The following NBEA variants were observed in gnomAD, a reference collection of about 807,000 sequenced individuals.
The protein encoded by NBEA is lysosomal-trafficking regulator 2.
NBEA carries 44 observed loss-of-function variants against 343.4 expected under a neutral mutation model. The ratio of observed to expected loss-of-function variants is 0.13; its 90% CI spans 0.10 to 0.16. NBEA has a LOEUF of 0.16. NBEA is among the 10% of genes least tolerant of loss of function. The pLI, the probability that NBEA is intolerant of heterozygous loss-of-function variation, is 1.00. For missense variants in NBEA, 2,555 were observed against 3,631.3 expected (o/e 0.70, Z 7.62); for synonymous variants, 1,175 against 1,238.7 (o/e 0.95, Z 1.08).
intron 46 of NBEA, among the ~76,000 whole-genome samples, chr13:35,589,858 G>T (rs745502292): frequency 3.9e-5 from 6 of 152,096 alleles, no homozygotes; most frequent in Non-Finnish European, 8.8e-5. Flanking sequence ...GATATGAAAT[G>T]ATGTTGGAGT....
intron 51 of NBEA, 127 bp from the exon 52 acceptor site, chr13:35,649,528 A>G: frequency 2.7e-6 from 2 of 738,744 alleles, no homozygotes; most frequent in Non-Finnish European, 4.5e-6. Flanking sequence ...ATGAAAGTTT[A>G]GGTGGCTTTT....
intron 1 of NBEA, among the ~76,000 whole-genome samples, chr13:34,992,178 G>A (rs1316468411): frequency 6.8e-6 from 1 of 146,972 alleles, no homozygotes; most frequent in East Asian, 2.0e-4. Context: ...AAATGTGTGT[G>A]TATATGTGTG....
intron 41 of NBEA, among the ~76,000 whole-genome samples, chr13:35,488,959 T>A (rs1357264224): frequency 6.6e-6 from 1 of 151,934 alleles, no homozygotes; most frequent in Non-Finnish European, 1.5e-5. Flanking sequence ...ATATATTAAT[T>A]AAGTAATTTG....
At chr13:35,280,978 C>T (rs1415789630) in intron 34 of NBEA, among the ~76,000 whole-genome samples, 5 of 152,112 alleles carry the variant, frequency 3.3e-5, no homozygotes, top group African/African-American at 9.6e-5. Flanking sequence ...GACTCACATA[C>T]TGACTTCTTT....
At chr13:35,423,749 C>T (rs1443822717) in intron 38 of NBEA, among the ~76,000 whole-genome samples, 2 of 152,094 alleles carry the variant, frequency 1.3e-5, no homozygotes, top group African/African-American at 4.8e-5. Context: ...GCAGTATGGC[C>T]ATTTTCACGA....
chr13:35,132,942 A>G (rs1593454468), intron 17 of NBEA, among the ~76,000 whole-genome samples: 1 of 152,338 alleles, frequency 6.6e-6, no homozygotes, highest in East Asian at 1.9e-4. Context: ...GAAGTGCAGG[A>G]TAATAGTATT....
chr13:35,439,593 A>C (rs548699459), intron 39 of NBEA, among the ~76,000 whole-genome samples: 2 of 152,338 alleles, frequency 1.3e-5, no homozygotes, highest in African/African-American at 4.8e-5. Context: ...TTCCTAGATA[A>C]AACAAAAACC....
chr13:35,455,067 A>G (rs540215374), intron 40 of NBEA, among the ~76,000 whole-genome samples: 14 of 152,112 alleles, frequency 9.2e-5, no homozygotes, highest in Admixed American at 5.2e-4. Flanking sequence ...TATTATTAGT[A>G]TGAGAAATGT....
chr13:35,479,347 C>G (rs906775216), intron 41 of NBEA, among the ~76,000 whole-genome samples: 11 of 152,172 alleles, frequency 7.2e-5, no homozygotes, highest in Admixed American at 6.5e-5. Context: ...TGCTGCAACA[C>G]AGTGATTTTC....
At chr13:35,469,020 G>GC (rs2075523215) in intron 40 of NBEA, among the ~76,000 whole-genome samples, 1 of 147,118 alleles carries the variant, frequency 6.8e-6, no homozygotes, top group South Asian at 2.2e-4. Flanking sequence ...AATCGCTTGA[G>GC]CTCGGGGGGC....
chr13:35,223,601 A>T (rs1353875929), intron 33 of NBEA, among the ~76,000 whole-genome samples: 1 of 152,000 alleles, frequency 6.6e-6, no homozygotes, highest in East Asian at 1.9e-4. Flanking sequence ...TATGTTACAT[A>T]TTTTTTTACT....
intron 2 of NBEA, among the ~76,000 whole-genome samples, chr13:35,042,073 A>G (rs1286417960): frequency 6.6e-6 from 1 of 151,940 alleles, no homozygotes; most frequent in Non-Finnish European, 1.5e-5. Context: ...GCATTTCATT[A>G]TTTTTAAAAT....
At chr13:35,179,611 A>G (rs2071168057) in intron 28 of NBEA, 1 of 175,958 alleles carries the variant, frequency 5.7e-6, no homozygotes, top group Non-Finnish European at 1.1e-5. Flanking sequence ...TCGTGTAGCT[A>G]TGACAGCAGT....
At chr13:35,069,879 G>C (rs754325731) in intron 8 of NBEA, 29 bp from the exon 9 acceptor site, 19 of 1,463,808 alleles carry the variant, frequency 1.3e-5, no homozygotes, top group Non-Finnish European at 1.3e-5. Context: ...CTTTTAAAAA[G>C]AGTGTTTACC....
At chr13:35,084,013 C>G (rs2064581595) in intron 10 of NBEA, among the ~76,000 whole-genome samples, 1 of 152,098 alleles carries the variant, frequency 6.6e-6, no homozygotes, top group African/African-American at 2.4e-5. Flanking sequence ...ATCAATTCAA[C>G]AAGAAGAGCT....
At chr13:35,081,920 CT>C (rs764768103) in intron 10 of NBEA, among the ~76,000 whole-genome samples, 3 of 151,018 alleles carry the variant, frequency 2.0e-5, no homozygotes, top group South Asian at 2.1e-4. Context: ...ATTTTGGTAA[CT>C]TTTTTTTTAT....
intron 38 of NBEA, among the ~76,000 whole-genome samples, chr13:35,381,001 T>C (rs1371846092): frequency 6.6e-6 from 1 of 152,202 alleles, no homozygotes; most frequent in African/African-American, 2.4e-5. Context: ...GTATAGAATT[T>C]TTTAATATGC....
intron 44 of NBEA, among the ~76,000 whole-genome samples, chr13:35,565,888 AT>A (rs1415870102): frequency 5.3e-5 from 8 of 152,176 alleles, no homozygotes; most frequent in East Asian, 1.9e-4. Flanking sequence ...AGACAAAAAA[AT>A]ATTTCATGAA....
chr13:34,992,100 TGCTGAACCTTGTCTTTTTGACAA>T (rs2060772237), intron 1 of NBEA, among the ~76,000 whole-genome samples: 1 of 151,098 alleles, frequency 6.6e-6, no homozygotes, highest in Admixed American at 6.6e-5. Context: ...GGTATTTGGC[TGCTGAACCTTGTCTTTTTGACAA>T]GTTTTTTGAA....
Sources: gnomAD v4.1 joint callset for allele counts (sites outside exome capture counted in the v4.1 genomes callset) on GRCh38, gnomAD v4.1.1 for gene constraint, MANE v1.5 for transcripts, NCBI Gene and HGNC (gene_info 2026-07-23, HGNC 2026-07-21) for gene names.